Variants in PWWP3B observed in about 807,000 individuals in gnomAD.
PWWP3B encodes the protein PWWP domain containing 3B.
A neutral mutation model predicts 15.7 loss-of-function variants in PWWP3B; 5 were observed. The ratio of observed to expected loss-of-function variants is 0.32; its 90% CI spans 0.17 to 0.67. The LOEUF (loss-of-function observed/expected upper bound fraction) is 0.67. Among genes scored for constraint, PWWP3B ranks in the 30% least tolerant of loss-of-function variants. The probability of loss-of-function intolerance (pLI) is 0.74; values close to 1 mark genes in which losing one functional copy is unlikely to be tolerated. For synonymous variants in PWWP3B, 203 were observed against 179.8 expected (o/e 1.13, Z -1.03); for missense variants, 519 against 493.1 (o/e 1.05, Z -0.50).
At chrX:106,191,153 G>A (rs1444624668) in intron 2 of PWWP3B, among the ~76,000 whole-genome samples, 2 of 109,357 alleles carry the variant, frequency 1.8e-5, no homozygotes, top group African/African-American at 3.3e-5. Context: ...CCATTTTCAC[G>A]ATATTGATTC....
At chrX:106,185,928 T>G (rs967945473) in intron 2 of PWWP3B, among the ~76,000 whole-genome samples, 1 of 112,205 alleles carries the variant, frequency 8.9e-6, no homozygotes, top group African/African-American at 3.2e-5. Flanking sequence ...AAATTCCAGA[T>G]AGTCCCCCAC....
Position 106,205,692 on chromosome X carries a change from G to A in PWWP3B, c.260G>A (p.Gly87Glu). 8.3e-7 allele frequency: 1 copy of A among 1,211,677 alleles called. No homozygotes were observed. Among genetic ancestry groups the A allele is most frequent in the Non-Finnish European group, 1.1e-6 (1 of 895,389 alleles). ...SAPPTEETAYGRSLKVALGIL... is the reference protein window; with the variant it reads ...SAPPTEETAYERSLKVALGIL... ...CCACCTACAGAGGAAACTGCCTATG[G>A]AAGATCACTAAAAGTGGCACTGGGT... is the stretch of plus-strand genomic sequence containing the variant. The change falls in exon 4 of 4, where the codon GGA (glycine) becomes GAA (glutamate). Residue 87 changes from glycine (G) to glutamate (E), a missense_variant. Transcript: ENST00000357175.
chrX:106,206,971 A>G lies in PWWP3B; in HGVS notation c.1539A>G (p.Lys513=), dbSNP rs1455215983. The part of the protein sequence containing the change: ...KETKQDTFRN[K]FPKLHNEDAR... ...CAAAACAGGATACTTTCAGGAACAAATTTCCAAAGCTGCATAATGAAGATG... is the reference window on the plus strand; with the variant it reads ...CAAAACAGGATACTTTCAGGAACAAGTTTCCAAAGCTGCATAATGAAGATG... The change falls in exon 4 of 4, where the codon AAA becomes AAG. Residue 513 remains lysine, a synonymous_variant. Transcript: ENST00000357175. 1 of 1,211,339 alleles carries G rather than the reference A, an allele frequency of 8.3e-7. No homozygotes were observed. Among genetic ancestry groups the G allele is most frequent in the South Asian group, 1.8e-5 (1 of 56,895 alleles).
At chrX:106,184,467 C>T (rs1922386292) in intron 2 of PWWP3B, among the ~76,000 whole-genome samples, 1 of 111,322 alleles carries the variant, frequency 9.0e-6, no homozygotes, top group Non-Finnish European at 1.9e-5. Context: ...CAGATGTTTG[C>T]AATTCCAGTC....
chrX:106,180,323 G>A (rs766986167), intron 2 of PWWP3B, among the ~76,000 whole-genome samples: 51 of 111,133 alleles, frequency 4.6e-4, no homozygotes, highest in African/African-American at 1.7e-3. Context: ...GCTACAAACT[G>A]GGGCATTATA....
intron 2 of PWWP3B, among the ~76,000 whole-genome samples, chrX:106,194,929 T>C (rs900953862): frequency 1.4e-4 from 16 of 111,437 alleles, no homozygotes; most frequent in African/African-American, 4.9e-4. Context: ...TACCCGGCCG[T>C]ATGAGGTGTC....
At chrX:106,182,309 G>T (rs1261977511) in intron 2 of PWWP3B, among the ~76,000 whole-genome samples, 1 of 111,588 alleles carries the variant, frequency 9.0e-6, no homozygotes, top group Non-Finnish European at 1.9e-5. Flanking sequence ...AACCCTATAA[G>T]TAGGGGTATT....
At position 106,205,380 on chromosome X, in the gene PWWP3B, G is replaced by A; in HGVS notation, c.-53G>A. The A allele has an allele frequency of 9.4e-7, 1 of 1,058,714 alleles. No individual in the cohort carries two copies. Among genetic ancestry groups the A allele is most frequent in the Non-Finnish European group, 1.2e-6 (1 of 806,770 alleles). The allele number at this position is 1,058,714 out of a possible 1,213,427, so 87.2% of individuals were successfully genotyped here. The stretch of plus-strand genomic sequence containing the variant: ...TAGAACTTGCATTAGCAGTGACAAA[G>A]ATAGCCACCTCAACCTTTGGTAATA... On this transcript the variant is annotated 5_prime_UTR_variant, in exon 4 of 4. Transcript: ENST00000357175.
Position 106,206,015 on chromosome X carries a change from A to G in PWWP3B, c.583A>G (p.Thr195Ala). 8.3e-7 allele frequency: 1 copy of G among 1,209,326 alleles called. No individual in the cohort carries two copies. The highest frequency in any genetic ancestry group is 1.1e-6 in the Non-Finnish European group (1 of 894,035). Residue 195 changes from threonine to alanine, a missense_variant, in exon 4 of 4, where the codon ACT (threonine) becomes GCT (alanine). Thr to Ala is a moderately conservative substitution (Grantham distance 58). Coordinates refer to ENST00000357175, the MANE Select transcript of PWWP3B (RefSeq NM_001171020.2). ...KSLQNSSWCETFPSLSEDNDE... is the reference protein window; with the variant it reads ...KSLQNSSWCEAFPSLSEDNDE... ...ATTACAAAACTCTAGCTGGTGCGAG[A>G]CTTTCCCTTCACTTTCGGAAGATAA...
chrX:106,180,423 T>A (rs1277922141), intron 2 of PWWP3B, among the ~76,000 whole-genome samples: 1 of 112,145 alleles, frequency 8.9e-6, no homozygotes, highest in African/African-American at 3.2e-5. Context: ...TCATCTTTTG[T>A]CTTCTCCATT....
intron 2 of PWWP3B, among the ~76,000 whole-genome samples, chrX:106,194,459 C>G (rs890614752): frequency 1.8e-5 from 2 of 111,036 alleles, no homozygotes; most frequent in African/African-American, 6.6e-5. Flanking sequence ...TTTTTCAAAG[C>G]TTTTAACTTC....
Position 106,206,338 on chromosome X carries a change from A to G in PWWP3B, c.906A>G (p.Ser302=). The stretch of plus-strand genomic sequence containing the variant: ...GCCAGAATCAACCTTCCATGGAATC[A>G]GAGATGGGGGCTGCAGCATGCCCTG... ...DTSQNQPSME[S]EMGAAACPGS... The change falls in exon 4 of 4, where the codon TCA becomes TCG. Residue 302 remains serine (S), a synonymous_variant. Coordinates refer to ENST00000357175, the MANE Select transcript of PWWP3B (RefSeq NM_001171020.2). 2 of 1,203,338 alleles carry G rather than the reference A, an allele frequency of 1.7e-6. No homozygotes were observed. The highest frequency in any genetic ancestry group is 1.1e-6 in the Non-Finnish European group (1 of 890,774).
intron 2 of PWWP3B, among the ~76,000 whole-genome samples, chrX:106,189,612 CTTTTTTTT>C (rs1277003635): frequency 5.1e-5 from 4 of 77,835 alleles, no homozygotes; most frequent in Admixed American, 2.9e-4. Flanking sequence ...GCCACATTTT[CTTTTTTTT>C]TTTTTTTTTT....
At chrX:106,186,595 G>T (rs761136634) in intron 2 of PWWP3B, among the ~76,000 whole-genome samples, 38 of 111,196 alleles carry the variant, frequency 3.4e-4, no homozygotes, top group Non-Finnish European at 7.0e-4. Flanking sequence ...CTTCTGGTGG[G>T]TTCCTGGTCT....
chrX:106,185,710 A>G (rs1046862857), intron 2 of PWWP3B, among the ~76,000 whole-genome samples: 1 of 111,821 alleles, frequency 8.9e-6, no homozygotes, highest in African/African-American at 3.3e-5. Context: ...TTGGGACCTT[A>G]CCCCTGTCCT....
intron 1 of PWWP3B, among the ~76,000 whole-genome samples, chrX:106,170,721 A>G (rs1246631414): frequency 8.9e-6 from 1 of 112,102 alleles, no homozygotes; most frequent in Non-Finnish European, 1.9e-5. Context: ...ATCATAAAAA[A>G]TGCTGCTACA....
chrX:106,183,743 C>T (rs902127076), intron 2 of PWWP3B, among the ~76,000 whole-genome samples: 5 of 112,219 alleles, frequency 4.5e-5, no homozygotes, highest in Middle Eastern at 4.6e-3. Flanking sequence ...GAGAAAGACA[C>T]GCCAGTGTCC....
At chrX:106,197,937 G>GA (rs1331147693) in intron 2 of PWWP3B, among the ~76,000 whole-genome samples, 2 of 111,512 alleles carry the variant, frequency 1.8e-5, no homozygotes, top group Non-Finnish European at 3.8e-5. Flanking sequence ...TGGTGCTTTT[G>GA]AAAAAATATA....
chrX:106,178,247 G>T (rs1310535018), intron 2 of PWWP3B, among the ~76,000 whole-genome samples: 1 of 112,059 alleles, frequency 8.9e-6, no homozygotes, highest in Non-Finnish European at 1.9e-5. Context: ...GTGTAAGAGT[G>T]AGAAACGGAT....
Sources: gnomAD v4.1 joint callset for allele counts (sites outside exome capture counted in the v4.1 genomes callset) on GRCh38, gnomAD v4.1.1 for gene constraint, MANE v1.5 for transcripts, NCBI Gene and HGNC (gene_info 2026-07-23, HGNC 2026-07-21) for gene names.